SORCS1: variants seen among roughly 807,000 people sequenced by gnomAD.
The protein encoded by SORCS1 is VPS10 domain-containing receptor SorCS1.
A neutral mutation model predicts 146.1 loss-of-function variants in SORCS1; 60 were observed. That is an observed-to-expected ratio of 0.41 (90% CI 0.33 to 0.51). SORCS1 has a LOEUF of 0.51. SORCS1 is among the 20% of genes least tolerant of loss of function. The pLI, the probability that SORCS1 is intolerant of heterozygous loss-of-function variation, is 0.21. For missense variants in SORCS1, 1,352 were observed against 1,487.6 expected, an observed-to-expected ratio of 0.91 and a Z score of 1.50; for synonymous variants, 637 against 584.0, an observed-to-expected ratio of 1.09 and a Z score of -1.31.
At chr10:106,825,086 G>A (rs1374694509) in intron 3 of SORCS1, among the ~76,000 whole-genome samples, 1 of 151,974 alleles carries the variant, frequency 6.6e-6, no homozygotes, top group Non-Finnish European at 1.5e-5. Context: ...ATTCCACTAG[G>A]GGTTTTATAT....
intron 2 of SORCS1, among the ~76,000 whole-genome samples, chr10:106,923,166 G>A (rs1289790170): frequency 6.6e-6 from 1 of 152,222 alleles, no homozygotes; most frequent in Non-Finnish European, 1.5e-5. Flanking sequence ...TGGGATTACA[G>A]GCGTGAGCCA....
At chr10:106,928,952 T>C (rs1223797135) in intron 2 of SORCS1, among the ~76,000 whole-genome samples, 2 of 151,100 alleles carry the variant, frequency 1.3e-5, no homozygotes, top group African/African-American at 2.4e-5. Context: ...ATTAAAATTA[T>C]ATATATAATT....
chr10:106,840,864 T>TA (rs1491157685), intron 2 of SORCS1, among the ~76,000 whole-genome samples: 6,436 of 97,736 alleles, frequency 0.066, 177 homozygotes, highest in East Asian at 0.13. Flanking sequence ...TATATATATA[T>TA]TTTTTTTTTT....
At chr10:106,832,471 G>A (rs1004245997) in intron 2 of SORCS1, among the ~76,000 whole-genome samples, 18 of 152,124 alleles carry the variant, frequency 1.2e-4, no homozygotes, top group African/African-American at 4.3e-4. Flanking sequence ...TTACAGGTGT[G>A]AGCCAAGGCA....
chr10:107,070,843 A>G (rs1379287849), intron 1 of SORCS1, among the ~76,000 whole-genome samples: 1 of 152,100 alleles, frequency 6.6e-6, no homozygotes, highest in Non-Finnish European at 1.5e-5. Context: ...ACACATACAT[A>G]TATATATAAT....
At chr10:106,743,284 C>T (rs191891022) in intron 5 of SORCS1, among the ~76,000 whole-genome samples, 2 of 152,166 alleles carry the variant, frequency 1.3e-5, no homozygotes, top group East Asian at 3.9e-4. Flanking sequence ...GAAAGAGAAG[C>T]CAGAGAGAGG....
At chr10:106,978,164 C>A (rs1451600370) in intron 1 of SORCS1, among the ~76,000 whole-genome samples, 1 of 152,068 alleles carries the variant, frequency 6.6e-6, no homozygotes, top group Non-Finnish European at 1.5e-5. Flanking sequence ...AGGCTAGTCG[C>A]GAACCCCTGA....
At chr10:106,699,121 T>C in intron 9 of SORCS1, 93 bp downstream of exon 9, 1 of 1,164,324 alleles carries the variant, frequency 8.6e-7, no homozygotes, top group Admixed American at 2.5e-5. Context: ...TAAGGAACTG[T>C]ATTAAAATGA....
At chr10:106,744,980 C>T (rs569204482) in intron 5 of SORCS1, among the ~76,000 whole-genome samples, 4 of 152,100 alleles carry the variant, frequency 2.6e-5, no homozygotes, top group Non-Finnish European at 5.9e-5. Flanking sequence ...AGGTCAGACT[C>T]TAAAATGCTC....
chr10:107,078,131 C>T (rs1385396562), intron 1 of SORCS1, among the ~76,000 whole-genome samples: 2 of 152,196 alleles, frequency 1.3e-5, no homozygotes, highest in East Asian at 1.9e-4. Context: ...TGATGTACAA[C>T]ATTAAATACT....
At chr10:107,178,331 C>T in the SORCS1 span, among the ~76,000 whole-genome samples, 1 of 152,194 alleles carries the variant, frequency 6.6e-6, no homozygotes, top group East Asian at 1.9e-4. Context: ...ATTCTACTCT[C>T]TACTACCATG....
intron 3 of SORCS1, among the ~76,000 whole-genome samples, chr10:106,807,182 G>C (rs1328821708): frequency 6.6e-6 from 1 of 151,772 alleles, no homozygotes; most frequent in Non-Finnish European, 1.5e-5. Flanking sequence ...TTTGAAGAAG[G>C]AAGGAAGGAA....
chr10:106,655,313 G>A (rs1850202852), intron 17 of SORCS1, among the ~76,000 whole-genome samples: 1 of 152,166 alleles, frequency 6.6e-6, no homozygotes, highest in Non-Finnish European at 1.5e-5. Context: ...GCAAAAAAAT[G>A]ACCAGTGATG....
At chr10:106,776,964 T>G (rs1860484955) in intron 3 of SORCS1, among the ~76,000 whole-genome samples, 1 of 152,186 alleles carries the variant, frequency 6.6e-6, no homozygotes, top group South Asian at 2.1e-4. Flanking sequence ...AGGGGACTCT[T>G]TGTTTTATTT....
chr10:106,926,188 A>C (rs74152278), intron 2 of SORCS1, among the ~76,000 whole-genome samples: 3,306 of 152,296 alleles, frequency 0.022, 116 homozygotes, highest in African/African-American at 0.074. Context: ...TCTTTGTGGT[A>C]ATGAAAGAAT....
chr10:106,779,252 T>C (rs1243033419), intron 3 of SORCS1, among the ~76,000 whole-genome samples: 24 of 152,302 alleles, frequency 1.6e-4, no homozygotes, highest in Non-Finnish European at 3.2e-4. Context: ...TATAGGTATG[T>C]CTGTACTACA....
At position 106,902,769 on chromosome 10, in the gene SORCS1, G is replaced by A. The variant is rs75363986; in HGVS notation, c.626+53744C>T. On this transcript the variant is annotated intron_variant, in intron 2 of 25. Coordinates refer to ENST00000263054, the MANE Select transcript of SORCS1 (RefSeq NM_052918.5). ...ATAGGTGGTTATTCCTGCATAACAA[G>A]ACACCAGGGATTAAATTAAAATTAC... Among the ~76,000 whole-genome samples the A allele has an allele frequency of 1.8e-3, 275 of 152,290 alleles. 2 individuals carry two copies. The highest frequency in any genetic ancestry group is 5.7e-3 in the African/African-American group (236 of 41,572).
chr10:106,579,226 C>A, intron 25 of SORCS1, 143 bp downstream of exon 25: 1 of 1,614,078 alleles, frequency 6.2e-7, no homozygotes, highest in Non-Finnish European at 8.5e-7. Flanking sequence ...TGCATCTGGG[C>A]ATAAACATTA....
intron 1 of SORCS1, among the ~76,000 whole-genome samples, chr10:107,063,490 T>C (rs1961436435): frequency 1.3e-5 from 2 of 152,198 alleles, no homozygotes; most frequent in African/African-American, 4.8e-5. Flanking sequence ...AAAGTAACCA[T>C]GTGTACCATA....
Sources: gnomAD v4.1 joint callset for allele counts (sites outside exome capture counted in the v4.1 genomes callset) on GRCh38, gnomAD v4.1.1 for gene constraint, MANE v1.5 for transcripts, NCBI Gene and HGNC (gene_info 2026-07-23, HGNC 2026-07-21) for gene names.